The following NRXN1 variants were observed in gnomAD, a reference collection of about 807,000 sequenced individuals.
The protein encoded by NRXN1 is neurexin-1.
Under a neutral mutation model 150.9 loss-of-function variants are expected in NRXN1, and 39 were observed. That is an observed-to-expected ratio of 0.26 (90% CI 0.20 to 0.34). The LOEUF is 0.34. Ranked by LOEUF, NRXN1 falls within the 10% of genes least tolerant of loss-of-function variation. The pLI is 1.00. For missense variants in NRXN1, 1,815 were observed against 1,949.9 expected (o/e 0.93, Z 1.30); for synonymous variants, 924 against 757.0 (o/e 1.22, Z -3.62).
intron 17 of NRXN1, among the ~76,000 whole-genome samples, chr2:50,313,776 G>C (rs1044091908): frequency 7.2e-5 from 11 of 152,046 alleles, no homozygotes; most frequent in Admixed American, 5.2e-4. Context: ...CTTTAGGGAA[G>C]AAAAAGTATG....
At chr2:50,034,976 G>A (rs930817200) in intron 21 of NRXN1, among the ~76,000 whole-genome samples, 4 of 151,896 alleles carry the variant, frequency 2.6e-5, no homozygotes, top group African/African-American at 9.7e-5. Context: ...TAACAGCTTG[G>A]TTCTATGTGT....
At chr2:50,424,499 TAG>T (rs2084325146) in intron 17 of NRXN1, among the ~76,000 whole-genome samples, 1 of 152,128 alleles carries the variant, frequency 6.6e-6, no homozygotes, top group African/African-American at 2.4e-5. Context: ...TGCACCGGCT[TAG>T]AGAGAGTGTA....
intron 5 of NRXN1, among the ~76,000 whole-genome samples, chr2:50,902,083 T>C (rs1040812499): frequency 6.6e-6 from 1 of 152,062 alleles, no homozygotes; most frequent in African/African-American, 2.4e-5. Context: ...TAATGTACTA[T>C]TTTTTTCCTT....
intron 17 of NRXN1, among the ~76,000 whole-genome samples, chr2:50,396,745 A>G (rs116531484): frequency 0.015 from 2,230 of 152,232 alleles, 54 homozygotes; most frequent in African/African-American, 0.049. Flanking sequence ...CGGTGCTCAA[A>G]CATTCTGGAG....
At chr2:50,296,429 G>C (rs2073569083) in intron 17 of NRXN1, among the ~76,000 whole-genome samples, 1 of 152,028 alleles carries the variant, frequency 6.6e-6, no homozygotes, top group African/African-American at 2.4e-5. Context: ...ATTGTATAAT[G>C]GTTGGGCTTC....
intron 17 of NRXN1, among the ~76,000 whole-genome samples, chr2:50,392,533 A>G (rs1010732570): frequency 6.6e-6 from 1 of 152,196 alleles, no homozygotes; most frequent in African/African-American, 2.4e-5. Context: ...AAAGATATGC[A>G]AATATTAAAT....
intron 5 of NRXN1, among the ~76,000 whole-genome samples, chr2:50,625,774 T>C (rs1680910887): frequency 6.6e-6 from 1 of 152,086 alleles, no homozygotes; most frequent in African/African-American, 2.4e-5. Context: ...GAGATACCAA[T>C]CTTTCAGAAT....
intron 17 of NRXN1, among the ~76,000 whole-genome samples, chr2:50,434,913 A>G (rs2085299239): frequency 6.6e-6 from 1 of 152,180 alleles, no homozygotes; most frequent in Admixed American, 6.5e-5. Flanking sequence ...TATCTGTGTC[A>G]GGATACAGTA....
intron 21 of NRXN1, among the ~76,000 whole-genome samples, chr2:50,017,287 T>C (rs1234375935): frequency 6.6e-6 from 1 of 152,152 alleles, no homozygotes; most frequent in Non-Finnish European, 1.5e-5. Context: ...TTATTTCAAA[T>C]GTGCAGTAAC....
chr2:50,656,364 T>C (rs777740758), intron 5 of NRXN1: 16 of 776,974 alleles, frequency 2.1e-5, no homozygotes, highest in Admixed American at 1.2e-4. Context: ...GAGTCTGTAC[T>C]AGGACATTTG....
chr2:50,268,923 T>A (rs903582689), intron 17 of NRXN1, among the ~76,000 whole-genome samples: 1 of 152,186 alleles, frequency 6.6e-6, no homozygotes, highest in Admixed American at 6.5e-5. Context: ...CGATGCTTCA[T>A]GCCTGTATTT....
chr2:50,134,781 C>T (rs1319645689), intron 18 of NRXN1, among the ~76,000 whole-genome samples: 2 of 152,236 alleles, frequency 1.3e-5, no homozygotes, highest in Non-Finnish European at 2.9e-5. Flanking sequence ...CAAACTGAGT[C>T]GCAGGTTGTA....
At chr2:50,675,841 G>C (rs1689467555) in intron 5 of NRXN1, among the ~76,000 whole-genome samples, 1 of 152,092 alleles carries the variant, frequency 6.6e-6, no homozygotes. Flanking sequence ...ATATGTTCTA[G>C]TTATCTGCAG....
chr2:50,973,599 A>G (rs950828494), intron 2 of NRXN1, among the ~76,000 whole-genome samples: 1 of 152,124 alleles, frequency 6.6e-6, no homozygotes, highest in African/African-American at 2.4e-5. Flanking sequence ...CATATAGAGT[A>G]TATGTATATA....
chr2:50,813,562 T>C (rs1668521046), intron 5 of NRXN1, among the ~76,000 whole-genome samples: 1 of 152,204 alleles, frequency 6.6e-6, no homozygotes, highest in Non-Finnish European at 1.5e-5. Context: ...TTTTTATGAA[T>C]TCCCTCATTT....
chr2:50,550,031 G>A (rs1046994767), intron 9 of NRXN1, among the ~76,000 whole-genome samples: 1 of 152,100 alleles, frequency 6.6e-6, no homozygotes, highest in Non-Finnish European at 1.5e-5. Flanking sequence ...ATTTTCAAAT[G>A]AATAATGAAT....
chr2:50,548,854 C>T (rs1183430528), intron 9 of NRXN1, among the ~76,000 whole-genome samples: 1 of 152,024 alleles, frequency 6.6e-6, no homozygotes, highest in Non-Finnish European at 1.5e-5. Context: ...TTTCTATTTA[C>T]TTTAGTATGG....
chr2:50,225,744 A>C (rs183759294), intron 18 of NRXN1, among the ~76,000 whole-genome samples: 66 of 152,010 alleles, frequency 4.3e-4, no homozygotes, highest in Admixed American at 4.1e-3. Flanking sequence ...TTATTGGTAC[A>C]TTTTTTTAAA....
chr2:50,324,912 ATAGTT>A (rs1393408260), intron 17 of NRXN1, among the ~76,000 whole-genome samples: 1 of 152,230 alleles, frequency 6.6e-6, no homozygotes, highest in Non-Finnish European at 1.5e-5. Context: ...CCCTGCAAGA[ATAGTT>A]TCTGGTTGTG....
Sources: allele counts gnomAD v4.1 joint callset (sites outside exome capture counted in the v4.1 genomes callset), GRCh38; gene constraint gnomAD v4.1.1; transcripts MANE v1.5; gene names NCBI Gene and HGNC (gene_info 2026-07-23, HGNC 2026-07-21).